The following CLASP2 variants were observed in gnomAD, a reference collection of about 807,000 sequenced individuals.
CLASP2 encodes the protein cytoplasmic linker associated protein 2, also known as CLIP-associating protein 2.
Under a neutral mutation model 194.4 loss-of-function variants are expected in CLASP2, and 47 were observed. The observed-to-expected ratio is 0.24, with a 90% CI of 0.19 to 0.31. The LOEUF (loss-of-function observed/expected upper bound fraction) is 0.31, where lower values mean the gene tolerates loss of function less well. Among genes scored for constraint, CLASP2 ranks in the 10% least tolerant of loss-of-function variants. The pLI is 1.00. For missense variants in CLASP2, 1,445 were observed against 1,823.6 expected (o/e 0.79, Z 3.78); for synonymous variants, 619 against 633.5 (o/e 0.98, Z 0.34).
intron 37 of CLASP2, among the ~76,000 whole-genome samples, chr3:33,508,396 T>C (rs2048874341): frequency 6.6e-6 from 1 of 152,102 alleles, no homozygotes. Flanking sequence ...AGTGCTGCAA[T>C]CTTGGCTCAC....
In CLASP2 at chr3:33,592,430, C is replaced by A; in HGVS notation, c.2033G>T (p.Gly678Val). The A allele has an allele frequency of 6.2e-7, 1 of 1,613,742 alleles. No homozygotes were observed. Among genetic ancestry groups the A allele is most frequent in the Non-Finnish European group, 8.5e-7 (1 of 1,179,786 alleles). Reference protein sequence around the residue: ...GMGNAKADSRGRSRTKMVSQS... With the variant: ...GMGNAKADSRVRSRTKMVSQS... ...AGACACCATTTTTGTTCGACTTCTT[C>A]CTCTAGAATCTGCCTTGGCATTTCC... is the stretch of plus-strand genomic sequence containing the variant. Residue 678 changes from glycine to valine, a missense_variant, in exon 21 of 39, where the codon GGA becomes GTA. Coordinates refer to ENST00000682230, the MANE Select transcript of CLASP2 (RefSeq NM_001365631.1).
intron 1 of CLASP2, among the ~76,000 whole-genome samples, chr3:33,714,195 A>G (rs1036208412): frequency 2.0e-5 from 3 of 152,208 alleles, no homozygotes; most frequent in African/African-American, 7.2e-5. Flanking sequence ...ATCGTACTTA[A>G]CTGTATTTTA....
At chr3:33,622,933 C>T (rs944301684) in intron 10 of CLASP2, among the ~76,000 whole-genome samples, 2 of 151,942 alleles carry the variant, frequency 1.3e-5, no homozygotes, top group African/African-American at 4.8e-5. Flanking sequence ...CTCAGCCTTC[C>T]CAGTAGCTGG....
intron 8 of CLASP2, among the ~76,000 whole-genome samples, chr3:33,643,332 A>C (rs1187583426): frequency 6.6e-6 from 1 of 151,904 alleles, no homozygotes; most frequent in Non-Finnish European, 1.5e-5. Flanking sequence ...CTGTAATTCA[A>C]AATTAAGAAA....
chr3:33,679,677 C>T (rs943211362), intron 6 of CLASP2, among the ~76,000 whole-genome samples: 1 of 152,118 alleles, frequency 6.6e-6, no homozygotes, highest in Non-Finnish European at 1.5e-5. Flanking sequence ...AAAATTAAAA[C>T]ATGATACCAC....
intron 9 of CLASP2, among the ~76,000 whole-genome samples, chr3:33,628,841 C>T (rs2078528795): frequency 6.6e-6 from 1 of 151,816 alleles, no homozygotes; most frequent in Non-Finnish European, 1.5e-5. Context: ...TTAAGAAATT[C>T]CAATATTCAA....
At position 33,510,763 on chromosome 3, in the gene CLASP2, A is replaced by G; in HGVS notation, c.4112T>C (p.Val1371Ala). The change falls in exon 37 of 39, where the codon GTG becomes GCG. Residue 1371 changes from valine (V) to alanine (A), a missense_variant and splice_region_variant. Physicochemically the swap from Val to Ala is moderately conservative, Grantham distance 64 (BLOSUM62 0). This residue lies in a region of CLASP2 where 732 missense variants were observed against 987.9 expected (regional missense o/e 0.74). Transcript: ENST00000682230. ...LEAHKDPHKE[V>A]VRSAEEAASV... ...TGCCGCTTCCTCAGCAGATCTCACC[A>G]CCTAAAAAAAATAGGAAATTAAGCC... 1 of 1,601,748 alleles carries G rather than the reference A, an allele frequency of 6.2e-7. No individual in the cohort carries two copies. Among genetic ancestry groups the G allele is most frequent in the Non-Finnish European group, 8.5e-7 (1 of 1,173,766 alleles).
rs201618485 is a variant in CLASP2 at position 33,674,394 on chromosome 3, A to G, written c.644+9965T>C. Among the ~76,000 whole-genome samples, 445 of 151,892 alleles carry G rather than the reference A, an allele frequency of 2.9e-3. 16 individuals are homozygous for G. In the East Asian group the frequency reaches 0.078, roughly 27 times the overall value. On this transcript the variant is annotated intron_variant, in intron 6 of 38. Transcript: ENST00000682230. The stretch of plus-strand genomic sequence containing the variant: ...GAAATGAAGATGTTCTTTGAAACCA[A>G]CGAGAACAAAGACACAACATACCAG...
chr3:33,589,214 G>A (rs1227894987), intron 21 of CLASP2, among the ~76,000 whole-genome samples: 1 of 152,036 alleles, frequency 6.6e-6, no homozygotes, highest in African/African-American at 2.4e-5. Context: ...TTTCTGACGG[G>A]CTGTACAATC....
At chr3:33,550,756 T>C (rs1460068423) in intron 30 of CLASP2, among the ~76,000 whole-genome samples, 1 of 152,168 alleles carries the variant, frequency 6.6e-6, no homozygotes, top group African/African-American at 2.4e-5. Context: ...TAAAAGTGAA[T>C]ACCTGCACAG....
intron 1 of CLASP2, among the ~76,000 whole-genome samples, chr3:33,708,085 T>A (rs1329714461): frequency 1.3e-5 from 2 of 152,120 alleles, no homozygotes; most frequent in African/African-American, 4.8e-5. Flanking sequence ...GGTGAGAACG[T>A]GACATCTACG....
intron 12 of CLASP2, among the ~76,000 whole-genome samples, chr3:33,616,310 T>A (rs2076150583): frequency 6.6e-6 from 1 of 152,076 alleles, no homozygotes; most frequent in African/African-American, 2.4e-5. Flanking sequence ...AATGTTATTA[T>A]ATAATCTTAA....
intron 37 of CLASP2, among the ~76,000 whole-genome samples, chr3:33,506,785 A>G (rs2048365347): frequency 6.6e-6 from 1 of 152,178 alleles, no homozygotes; most frequent in Admixed American, 6.5e-5. Flanking sequence ...AATTGCCTAT[A>G]AATGTGAGGG....
At chr3:33,604,393 C>A (rs1383963647) in intron 16 of CLASP2, among the ~76,000 whole-genome samples, 184 bp from the exon 17 acceptor site, 1 of 151,376 alleles carries the variant, frequency 6.6e-6, no homozygotes, top group Admixed American at 6.6e-5. Context: ...TCATGGCTCA[C>A]TGCAGTCTTG....
intron 6 of CLASP2, among the ~76,000 whole-genome samples, chr3:33,682,528 A>T (rs957532126): frequency 6.6e-6 from 1 of 152,186 alleles, no homozygotes; most frequent in Non-Finnish European, 1.5e-5. Context: ...AAAAAGTTTT[A>T]AAAAATTCCT....
At chr3:33,575,513 G>A (rs780414683) in intron 24 of CLASP2, among the ~76,000 whole-genome samples, 1 of 152,060 alleles carries the variant, frequency 6.6e-6, no homozygotes, top group Non-Finnish European at 1.5e-5. Flanking sequence ...GAAAGAGGAA[G>A]TGATACTGAA....
chr3:33,703,972 T>C (rs2092536742), intron 1 of CLASP2, among the ~76,000 whole-genome samples: 1 of 152,088 alleles, frequency 6.6e-6, no homozygotes, highest in South Asian at 2.1e-4. Context: ...TGCTATTAAG[T>C]GAAAGAAGTT....
chr3:33,629,215 T>C (rs1559451914), intron 9 of CLASP2, among the ~76,000 whole-genome samples: 2 of 152,162 alleles, frequency 1.3e-5, no homozygotes, highest in African/African-American at 4.8e-5. Context: ...CTGGAAGATA[T>C]GGAGTCCAGT....
intron 7 of CLASP2, among the ~76,000 whole-genome samples, chr3:33,657,872 T>C (rs1442681354): frequency 6.6e-6 from 1 of 152,106 alleles, no homozygotes; most frequent in Non-Finnish European, 1.5e-5. Flanking sequence ...TCATAGCCCC[T>C]AGGGGAATTA....
Sources: allele counts gnomAD v4.1 joint callset (sites outside exome capture counted in the v4.1 genomes callset), GRCh38; gene constraint gnomAD v4.1.1; regional missense constraint gnomAD v4.1.1; transcripts MANE v1.5; gene names NCBI Gene and HGNC (gene_info 2026-07-23, HGNC 2026-07-21).